NTRK1: variants seen among roughly 807,000 people sequenced by gnomAD.
NTRK1 encodes the protein high affinity nerve growth factor receptor.
In NTRK1, 62 loss-of-function variants were observed where a neutral mutation model predicts 86.8. The ratio of observed to expected loss-of-function variants is 0.71; its 90% CI spans 0.58 to 0.88. The LOEUF (loss-of-function observed/expected upper bound fraction) is 0.88. Ranked by LOEUF, NTRK1 falls within the 40% of genes least tolerant of loss-of-function variation. The pLI, the probability that NTRK1 is intolerant of heterozygous loss-of-function variation, is 0.00. For missense variants in NTRK1, 967 were observed against 1,078.4 expected (o/e 0.90, Z 1.45); for synonymous variants, 469 against 456.6 (o/e 1.03, Z -0.35).
At chr1:156,840,970 C>T (rs12049299) in intron 1 of NTRK1, 66 of 1,613,570 alleles carry the variant, frequency 4.1e-5, no homozygotes, top group Non-Finnish European at 5.0e-5. Flanking sequence ...CCGGGCCCCC[C>T]GGCATTCCGG....
chr1:156,870,720 T>C (rs952903626), intron 6 of NTRK1, among the ~76,000 whole-genome samples: 10 of 152,214 alleles, frequency 6.6e-5, no homozygotes, highest in African/African-American at 2.4e-4. Context: ...TATCCACCAC[T>C]TCATTATTTT....
chr1:156,815,974 G>A (rs771165291), intron 1 of NTRK1: 19 of 1,610,288 alleles, frequency 1.2e-5, no homozygotes, highest in Non-Finnish European at 1.5e-5. Context: ...TGAGGGAGCT[G>A]CACCACGCTG....
intron 2 of NTRK1, among the ~76,000 whole-genome samples, chr1:156,850,419 C>T (rs1167340059): frequency 6.6e-5 from 10 of 152,010 alleles, no homozygotes; most frequent in Middle Eastern, 3.4e-3. Flanking sequence ...TCCATGTTGG[C>T]CAGGCTGGTC....
At chr1:156,858,903 G>C, upstream of NTRK1, 1 of 454,024 alleles carries the variant, frequency 2.2e-6, no homozygotes, top group Non-Finnish European at 4.0e-6. Flanking sequence ...GAGAGTCTCG[G>C]GCCTCCAGAG....
intron 4 of NTRK1, 149 bp downstream of exon 4, chr1:156,867,127 A>G (rs1655974875): frequency 2.4e-6 from 2 of 844,584 alleles, no homozygotes; most frequent in Non-Finnish European, 2.0e-6. Context: ...TGAAACCCCC[A>G]TCAAAGCAGG....
chr1:156,864,853 G>A, intron 3 of NTRK1, 54 bp downstream of exon 3: 1 of 1,548,018 alleles, frequency 6.5e-7, no homozygotes. Context: ...CCAGACTTGG[G>A]CTGCTAATGG....
chr1:156,878,133 C>T (rs1169706552), intron 14 of NTRK1, among the ~76,000 whole-genome samples: 1 of 152,200 alleles, frequency 6.6e-6, no homozygotes, highest in Admixed American at 6.5e-5. Flanking sequence ...AGAGATGAGT[C>T]TGGAAGACTT....
At chr1:156,849,051 G>C in intron 2 of NTRK1, 1 of 1,612,288 alleles carries the variant, frequency 6.2e-7, no homozygotes, top group Non-Finnish European at 8.5e-7. Context: ...GTCTGGCCTG[G>C]GTGGGGCGAG....
At chr1:156,873,421 T>C (rs546940834) in intron 7 of NTRK1, among the ~76,000 whole-genome samples, 7 of 152,336 alleles carry the variant, frequency 4.6e-5, no homozygotes, top group Non-Finnish European at 1.0e-4. Context: ...CTAAATTTTA[T>C]ATGCCTGCTG....
upstream of NTRK1, chr1:156,858,727 G>T: frequency 1.1e-6 from 1 of 916,434 alleles, no homozygotes; most frequent in Non-Finnish European, 1.8e-6. Flanking sequence ...TCAGATAGGA[G>T]AGGGAGGGCA....
chr1:156,872,406 C>T (rs992530101), intron 7 of NTRK1, among the ~76,000 whole-genome samples: 16 of 152,026 alleles, frequency 1.1e-4, no homozygotes, highest in African/African-American at 3.6e-4. Flanking sequence ...GCTTTCCTAT[C>T]GGTATCATTT....
intron 1 of NTRK1, among the ~76,000 whole-genome samples, chr1:156,831,691 G>A (rs1328442493): frequency 6.6e-6 from 1 of 152,180 alleles, no homozygotes; most frequent in Non-Finnish European, 1.5e-5. Context: ...GAGAACCCAA[G>A]GAGGCTCCAG....
chr1:156,845,932 T>C, intron 2 of NTRK1: 2 of 1,607,356 alleles, frequency 1.2e-6, no homozygotes, highest in Non-Finnish European at 1.7e-6. Flanking sequence ...GCGGCCGGCC[T>C]GCGCGTCGTC....
intron 2 of NTRK1, chr1:156,851,547 A>G (rs1454274990): frequency 1.9e-6 from 3 of 1,606,716 alleles, no homozygotes; most frequent in Admixed American, 1.7e-5. Flanking sequence ...GGGACCCAGG[A>G]TGATGGAAAA....
intron 6 of NTRK1, among the ~76,000 whole-genome samples, chr1:156,869,853 C>G (rs1647450659): frequency 6.6e-6 from 1 of 152,250 alleles, no homozygotes; most frequent in South Asian, 2.1e-4. Flanking sequence ...ACCCAAAAAG[C>G]TGGCTCCACC....
intron 6 of NTRK1, 120 bp from the exon 7 acceptor site, chr1:156,871,503 C>T (rs756192784): frequency 1.8e-6 from 2 of 1,105,424 alleles, no homozygotes; most frequent in East Asian, 2.4e-5. Context: ...TCTCCCTTCT[C>T]TTCCCTCCCA....
At chr1:156,850,018 TCA>T (rs1206194988) in intron 2 of NTRK1, among the ~76,000 whole-genome samples, 3 of 151,878 alleles carry the variant, frequency 2.0e-5, no homozygotes, top group African/African-American at 7.3e-5. Context: ...TCCTCCCACC[TCA>T]GTCTCTTGAG....
chr1:156,848,776 G>A, intron 2 of NTRK1: 1 of 914,970 alleles, frequency 1.1e-6, no homozygotes, highest in Non-Finnish European at 1.6e-6. Context: ...GCCAGACCTG[G>A]GCCCTACCAC....
chr1:156,879,965 C>T (rs1648155847), intron 15 of NTRK1, 34 bp from the exon 16 acceptor site: 2 of 1,610,348 alleles, frequency 1.2e-6, no homozygotes, highest in South Asian at 2.2e-5. Context: ...GTCCCAGGCG[C>T]CCCTGGAATT....
Sources: gnomAD v4.1 joint callset for allele counts (sites outside exome capture counted in the v4.1 genomes callset) on GRCh38, gnomAD v4.1.1 for gene constraint, MANE v1.5 for transcripts, NCBI Gene and HGNC (gene_info 2026-07-23, HGNC 2026-07-21) for gene names.